KIF18B: variants seen among roughly 807,000 people sequenced by gnomAD.
KIF18B encodes the protein kinesin-like protein KIF18B.
In KIF18B, 49 loss-of-function variants were observed where a neutral mutation model predicts 80.9. That is an observed-to-expected ratio of 0.61 (90% CI 0.48 to 0.77). The LOEUF (loss-of-function observed/expected upper bound fraction) is 0.77. Among genes scored for constraint, KIF18B ranks in the 30% least tolerant of loss-of-function variants. The pLI is 0.00. For synonymous variants in KIF18B, 439 were observed against 463.9 expected, an observed-to-expected ratio of 0.95 and a Z score of 0.69; for missense variants, 994 against 1,127.7, an observed-to-expected ratio of 0.88 and a Z score of 1.70.
At chr17:44,939,366 C>CAAA (rs781348504) in intron 1 of KIF18B, among the ~76,000 whole-genome samples, 442 of 36,898 alleles carry the variant, frequency 0.012, 57 homozygotes, top group African/African-American at 0.029. Flanking sequence ...GACTCCATCT[C>CAAA]AAAAAAAAAA....
intron 2 of KIF18B, among the ~76,000 whole-genome samples, chr17:44,935,628 T>C (rs1431584442): frequency 1.3e-5 from 2 of 152,202 alleles, no homozygotes; most frequent in African/African-American, 4.8e-5. Flanking sequence ...TGACCTGATC[T>C]CCACTATGGG....
At chr17:44,933,387 C>G (rs1303037093) in intron 7 of KIF18B, among the ~76,000 whole-genome samples, 1 of 152,180 alleles carries the variant, frequency 6.6e-6, no homozygotes, top group African/African-American at 2.4e-5. Context: ...CTCCTGCCGT[C>G]TCCCTTGGTT....
At chr17:44,935,181 C>T (rs936007325) in intron 3 of KIF18B, 78 bp downstream of exon 3, 4 of 1,435,172 alleles carry the variant, frequency 2.8e-6, no homozygotes, top group South Asian at 1.4e-5. Context: ...CCCTGTCCCA[C>T]ACCAGCTCAC....
At chr17:44,938,736 T>A (rs565450471) in intron 1 of KIF18B, among the ~76,000 whole-genome samples, 2 of 152,288 alleles carry the variant, frequency 1.3e-5, no homozygotes, top group Non-Finnish European at 2.9e-5. Context: ...TTAACATAAC[T>A]AAAGTCTCAT....
Position 44,928,277 on chromosome 17 carries a change from G to A in KIF18B, c.2025C>T (p.Pro675=), listed in dbSNP as rs760682716. ...AGGGGGAGGAGGCCCTTTCTCCTTT[G>A]GGGGTGCTGGGCCCCTGTGAAGGTT... ...DTQPSQGPST[P]KGERASSPCH... is the part of the protein sequence containing the mutation. The change falls in exon 13 of 16, where the codon CCC becomes CCT. Residue 675 remains proline (P), a synonymous_variant. Transcript: ENST00000593135. The A allele has an allele frequency of 5.6e-6, 9 of 1,613,434 alleles. No individual in the cohort carries two copies. The highest frequency in any genetic ancestry group is 7.6e-6 in the Non-Finnish European group (9 of 1,179,794).
intron 12 of KIF18B, 117 bp from the exon 13 acceptor site, chr17:44,928,695 CA>C: frequency 7.2e-7 from 1 of 1,379,818 alleles, no homozygotes; most frequent in Non-Finnish European, 9.6e-7. Flanking sequence ...TCTAGGATCC[CA>C]GGGGCCCAGC....
intron 1 of KIF18B, among the ~76,000 whole-genome samples, chr17:44,944,540 G>A (rs543253519): frequency 3.5e-4 from 54 of 152,274 alleles, no homozygotes; most frequent in African/African-American, 1.1e-3. Flanking sequence ...GAGCCACCGC[G>A]CTTGGCCCGA....
intron 7 of KIF18B, 124 bp downstream of exon 7, chr17:44,933,799 A>T: frequency 2.1e-6 from 2 of 956,790 alleles, no homozygotes; most frequent in African/African-American, 3.3e-5. Flanking sequence ...AGGCCAGAGG[A>T]ACTTCCTTCC....
Position 44,927,194 on chromosome 17 carries a change from C to A in KIF18B, c.2277-116G>T, listed in dbSNP as rs76371145. 135 of 691,094 alleles carry A rather than the reference C, an allele frequency of 2.0e-4. No individual in the cohort carries two copies. The African/African-American group carries it at 2.2e-3, about 11-fold the overall frequency. 42.8% of individuals were successfully genotyped at this position (691,094 alleles called of 1,614,324 possible). On this transcript the variant is annotated intron_variant, in intron 13 of 15. Transcript: ENST00000593135. The surrounding 1 kb of genome is among the most constrained non-coding windows in gnomAD (Gnocchi z 4.1). ...GGGGGAGGGTGGTTGGACAAGATGACCTCTGAGGTTTCTTCTACAAAGAGG... is the reference window on the plus strand; with the variant it reads ...GGGGGAGGGTGGTTGGACAAGATGAACTCTGAGGTTTCTTCTACAAAGAGG...
rs1012092290 is a variant in KIF18B at position 44,924,748 on chromosome 17, T to C, written c.*1332A>G. On this transcript the variant is annotated 3_prime_UTR_variant, in exon 16 of 16. Coordinates refer to ENST00000593135, the MANE Select transcript of KIF18B (RefSeq NM_001265577.2). ...GGTTTATTGTTATACCAAAAATATA[T>C]GTATATATCTATATATATATGCAGA... is the stretch of plus-strand genomic sequence containing the variant. 3 of 152,130 alleles carry C rather than the reference T, an allele frequency of 2.0e-5. No individual in the cohort carries two copies. Among genetic ancestry groups the C allele is most frequent in the South Asian group, 2.1e-4 (1 of 4,832 alleles). The allele number at this position is 152,130 out of a possible 1,614,324, so 9.4% of individuals were successfully genotyped here.
chr17:44,926,608 G>GGCT, intron 14 of KIF18B, 109 bp from the exon 15 acceptor site: 1 of 1,112,984 alleles, frequency 9.0e-7, no homozygotes, highest in South Asian at 1.7e-5. Context: ...TGAGAGCAAA[G>GGCT]GCTGCTGGGC....
intron 11 of KIF18B, among the ~76,000 whole-genome samples, chr17:44,930,251 T>C (rs1027518290): frequency 6.6e-6 from 1 of 152,202 alleles, no homozygotes; most frequent in Non-Finnish European, 1.5e-5. Context: ...TCTGGCCCCG[T>C]CCCTCTTGCT....
chr17:44,932,796 CCT>C (rs1343696218), intron 8 of KIF18B, 23 bp from the exon 9 acceptor site: 1 of 1,602,462 alleles, frequency 6.2e-7, no homozygotes, highest in South Asian at 1.1e-5. Context: ...CAGCCCAGCC[CCT>C]GAGAGCCCCA....
rs537212419 is a variant in KIF18B at position 44,945,307 on chromosome 17, C to T, written c.-15+2321G>A. Among the ~76,000 whole-genome samples the T allele has an allele frequency of 1.2e-3, 188 of 152,264 alleles. 1 individual carries two copies. Among genetic ancestry groups the T allele is most frequent in the African/African-American group, 4.5e-3 (186 of 41,546 alleles). On this transcript the variant is annotated intron_variant, in intron 1 of 15. Transcript: ENST00000593135. ...AACTCCTGGGCTCAAGCTGTCCACCCGCCTTGGTTTCCCAAACTGCTGGGA... is the reference window on the plus strand; with the variant it reads ...AACTCCTGGGCTCAAGCTGTCCACCTGCCTTGGTTTCCCAAACTGCTGGGA...
In KIF18B at chr17:44,936,670, T is replaced by G. The variant is rs540239898; in HGVS notation, c.-14-312A>C. 7.2e-3 allele frequency among the ~76,000 whole-genome samples: 912 copies of G among 126,094 alleles called. 8 individuals carry two copies. The highest frequency in any genetic ancestry group is 1.0e-2 in the Non-Finnish European group (613 of 61,474). 82.7% of individuals were successfully genotyped at this position (126,094 alleles called of 152,430 possible). A position where few individuals can be genotyped will look rare whatever the true frequency, so the allele number is the denominator to read the frequency against. On this transcript the variant is annotated intron_variant, in intron 1 of 15. Coordinates refer to ENST00000593135, the MANE Select transcript of KIF18B (RefSeq NM_001265577.2). ...TTTTTTTTTTTTTGAGACGGACTCT[T>G]GCTCTGTCGCCCAGGCTAGAGTGCA... is the stretch of plus-strand genomic sequence containing the variant.
Position 44,926,106 on chromosome 17 carries a change from C to T in KIF18B, c.2533G>A (p.Gly845Arg), listed in dbSNP as rs2052019040. The change falls in exon 16 of 16, where the codon GGG (glycine) becomes AGG (arginine). Residue 845 changes from glycine (G) to arginine (R), a missense_variant. Transcript: ENST00000593135. ...LIRVGRALSAGNGVTKVS is the reference protein window; with the variant it reads ...LIRVGRALSARNGVTKVS ...CAGGACACCTTGGTGACGCCGTTCCCTGCTGAGAGTGCTCTCCCCACCCTG... is the reference window on the plus strand; with the variant it reads ...CAGGACACCTTGGTGACGCCGTTCCTTGCTGAGAGTGCTCTCCCCACCCTG... 1 of 1,613,952 alleles carries T rather than the reference C, an allele frequency of 6.2e-7. No individual in the cohort carries two copies. Among genetic ancestry groups the T allele is most frequent in the African/African-American group, 1.3e-5 (1 of 75,018 alleles).
At chr17:44,947,219 A>G (rs1256414874) in intron 1 of KIF18B, among the ~76,000 whole-genome samples, 1 of 150,076 alleles carries the variant, frequency 6.7e-6, no homozygotes, top group East Asian at 2.0e-4. Context: ...GGGCTTACAT[A>G]CTCCTCACTG....
chr17:44,947,396 G>A (rs974078334), intron 1 of KIF18B, among the ~76,000 whole-genome samples: 7 of 152,172 alleles, frequency 4.6e-5, no homozygotes, highest in Admixed American at 4.6e-4. Context: ...GAGGGGTCCT[G>A]ACCACCCGTA....
rs2052060486 is a variant in KIF18B, at chr17:44,927,840, CAGG to C, written c.2276+183_2276+185del. Among the ~76,000 whole-genome samples the C allele has an allele frequency of 1.3e-5, 2 of 152,182 alleles. No individual in the cohort carries two copies. Among genetic ancestry groups the C allele is most frequent in the Admixed American group, 6.5e-5 (1 of 15,286 alleles). On this transcript the variant is annotated intron_variant, in intron 13 of 15. Transcript: ENST00000593135. This position sits in a 1 kb window ranked among gnomAD's most constrained non-coding sequence, Gnocchi z 4.1. ...GCATGGACAGACCAGGCAGGGGCCC[CAGG>C]AGAAGTGACACCTCCCTGGCAGCTG...
Sources: allele counts gnomAD v4.1 joint callset (sites outside exome capture counted in the v4.1 genomes callset), GRCh38; gene constraint gnomAD v4.1.1; non-coding constraint Gnocchi (gnomAD v3.1); transcripts MANE v1.5; gene names NCBI Gene and HGNC (gene_info 2026-07-23, HGNC 2026-07-21).